MMP16: variants seen among roughly 807,000 people sequenced by gnomAD.
The protein encoded by MMP16 is matrix metallopeptidase 16.
Under a neutral mutation model 67.8 loss-of-function variants are expected in MMP16, and 12 were observed. The ratio of observed to expected loss-of-function variants is 0.18; its 90% CI spans 0.11 to 0.29. MMP16 has a LOEUF of 0.29. Ranked by LOEUF, MMP16 falls within the 10% of genes least tolerant of loss-of-function variation. The pLI, the probability that MMP16 is intolerant of heterozygous loss-of-function variation, is 1.00. For missense variants in MMP16, 475 were observed against 765.7 expected (o/e 0.62, Z 4.48); for synonymous variants, 249 against 255.9 (o/e 0.97, Z 0.26).
chr8:88,160,420 C>T (rs560370125), intron 4 of MMP16, among the ~76,000 whole-genome samples: 15 of 151,486 alleles, frequency 9.9e-5, no homozygotes, highest in East Asian at 2.0e-4. Flanking sequence ...TGAATAGTGA[C>T]GCAATAAATT....
chr8:88,091,779 G>T (rs996064433), intron 6 of MMP16, among the ~76,000 whole-genome samples: 1 of 151,784 alleles, frequency 6.6e-6, no homozygotes, highest in African/African-American at 2.4e-5. Flanking sequence ...GCCATGTGTA[G>T]CTACTTAAAT....
chr8:88,248,833 G>T (rs1051468970), intron 1 of MMP16, among the ~76,000 whole-genome samples: 1 of 151,292 alleles, frequency 6.6e-6, no homozygotes, highest in Non-Finnish European at 1.5e-5. Flanking sequence ...TTATACTGCA[G>T]ATATTTACTG....
intron 8 of MMP16, 57 bp from the exon 9 acceptor site, chr8:88,046,841 T>C: frequency 9.0e-7 from 1 of 1,111,442 alleles, no homozygotes. Flanking sequence ...AGGGAAAGAT[T>C]ATGCATACAA....
intron 7 of MMP16, among the ~76,000 whole-genome samples, chr8:88,060,203 T>A (rs1025985199): frequency 4.6e-5 from 7 of 152,118 alleles, no homozygotes; most frequent in Non-Finnish European, 7.4e-5. Flanking sequence ...TGTAAGTGGT[T>A]AGGTACATCT....
intron 1 of MMP16, among the ~76,000 whole-genome samples, chr8:88,244,791 C>A (rs1810088258): frequency 6.6e-6 from 1 of 152,110 alleles, no homozygotes; most frequent in Non-Finnish European, 1.5e-5. Context: ...TAGACATGTA[C>A]AAAATTATGT....
chr8:88,300,244 C>T (rs1811077073), intron 1 of MMP16, among the ~76,000 whole-genome samples: 1 of 152,146 alleles, frequency 6.6e-6, no homozygotes, highest in African/African-American at 2.4e-5. Flanking sequence ...TTCATACTTT[C>T]TATGTTAAAT....
At chr8:88,313,574 A>G (rs1174010019) in intron 1 of MMP16, among the ~76,000 whole-genome samples, 3 of 152,114 alleles carry the variant, frequency 2.0e-5, no homozygotes, top group African/African-American at 7.2e-5. Context: ...GGATTCATCA[A>G]CCTTCTTGGA....
chr8:88,192,692 T>C (rs1164469733), intron 2 of MMP16, among the ~76,000 whole-genome samples: 1 of 152,186 alleles, frequency 6.6e-6, no homozygotes, highest in African/African-American at 2.4e-5. Flanking sequence ...ATAAAACATA[T>C]TGACAAGCCA....
intron 1 of MMP16, among the ~76,000 whole-genome samples, chr8:88,256,281 C>T (rs1038964566): frequency 3.3e-5 from 5 of 151,938 alleles, no homozygotes; most frequent in Non-Finnish European, 5.9e-5. Flanking sequence ...TATTAATTTA[C>T]GATTAGCATG....
chr8:88,149,103 C>T (rs946673219), intron 4 of MMP16, among the ~76,000 whole-genome samples: 23 of 152,292 alleles, frequency 1.5e-4, no homozygotes, highest in Admixed American at 1.2e-3. Flanking sequence ...GGGTGACGGA[C>T]GCACCTGGAA....
chr8:88,205,603 G>A (rs753888413), intron 1 of MMP16, among the ~76,000 whole-genome samples: 14 of 151,916 alleles, frequency 9.2e-5, no homozygotes, highest in Non-Finnish European at 1.8e-4. Flanking sequence ...TTTCACTTAC[G>A]GCCATTTCAG....
intron 1 of MMP16, among the ~76,000 whole-genome samples, chr8:88,255,832 A>C (rs1810292719): frequency 6.6e-6 from 1 of 152,188 alleles, no homozygotes; most frequent in Non-Finnish European, 1.5e-5. Flanking sequence ...ACTAAGGCAC[A>C]TGGCTTGGGC....
At chr8:88,326,702 G>A in intron 1 of MMP16, 1 of 186,542 alleles carries the variant, frequency 5.4e-6, no homozygotes. Context: ...TACCTAGGCA[G>A]CACATGATGC....
At chr8:88,066,232 T>C (rs2118252559) in intron 7 of MMP16, among the ~76,000 whole-genome samples, 1 of 152,276 alleles carries the variant, frequency 6.6e-6, no homozygotes, top group South Asian at 2.1e-4. Context: ...GCTTTTTTGA[T>C]ACTATTATCT....
chr8:88,263,727 A>C (rs1171928542), intron 1 of MMP16, among the ~76,000 whole-genome samples: 1 of 152,068 alleles, frequency 6.6e-6, no homozygotes, highest in African/African-American at 2.4e-5. Context: ...GATTAGGCTC[A>C]CCCTAATCAC....
chr8:88,099,158 GA>G (rs1274279123), intron 6 of MMP16, among the ~76,000 whole-genome samples: 10 of 151,230 alleles, frequency 6.6e-5, no homozygotes, highest in African/African-American at 2.2e-4. Flanking sequence ...AAGAATATAA[GA>G]ATTTTTTTAT....
intron 8 of MMP16, among the ~76,000 whole-genome samples, chr8:88,055,823 G>T (rs1183765262): frequency 6.6e-6 from 1 of 151,904 alleles, no homozygotes; most frequent in Non-Finnish European, 1.5e-5. Context: ...TTCCCCAAAA[G>T]ATGCATTGCA....
At chr8:88,042,677 G>C (rs1028714524) in intron 9 of MMP16, among the ~76,000 whole-genome samples, 3 of 152,056 alleles carry the variant, frequency 2.0e-5, no homozygotes, top group Admixed American at 1.3e-4. Context: ...GGTGGGATGT[G>C]GGAGGCTCAA....
At chr8:88,114,214 A>T (rs1449263923) in intron 6 of MMP16, among the ~76,000 whole-genome samples, 4 of 151,810 alleles carry the variant, frequency 2.6e-5, no homozygotes, top group African/African-American at 4.8e-5. Context: ...CTTTACATCT[A>T]TCCAATGTTG....
Sources: allele counts gnomAD v4.1 joint callset (sites outside exome capture counted in the v4.1 genomes callset), GRCh38; gene constraint gnomAD v4.1.1; transcripts MANE v1.5; gene names NCBI Gene and HGNC (gene_info 2026-07-23, HGNC 2026-07-21).